The following FARSB variants were observed in gnomAD, a reference collection of about 807,000 sequenced individuals.
FARSB encodes the protein phenylalanine--tRNA ligase beta subunit.
In FARSB, 40 loss-of-function variants were observed where a neutral mutation model predicts 69.6. The ratio of observed to expected loss-of-function variants is 0.57; its 90% CI spans 0.45 to 0.75. FARSB has a LOEUF of 0.75. Ranked by LOEUF, FARSB falls within the 30% of genes least tolerant of loss-of-function variation. The probability of loss-of-function intolerance (pLI) is 0.00; values close to 1 mark genes in which losing one functional copy is unlikely to be tolerated. For missense variants in FARSB, 632 were observed against 722.9 expected (o/e 0.87, Z 1.44); for synonymous variants, 235 against 247.2 (o/e 0.95, Z 0.46).
intron 8 of FARSB, 64 bp downstream of exon 8, chr2:222,631,540 C>T (rs1574944327): frequency 1.1e-6 from 1 of 898,546 alleles, no homozygotes; most frequent in East Asian, 2.4e-5. Flanking sequence ...GCCACTTAGT[C>T]TTGGTCCGGA....
intron 16 of FARSB, among the ~76,000 whole-genome samples, chr2:222,586,352 T>A (rs1263383955): frequency 1.3e-5 from 2 of 152,116 alleles, no homozygotes; most frequent in Non-Finnish European, 2.9e-5. Context: ...CAAGAGCTCC[T>A]GAAGGAAGCA....
intron 16 of FARSB, among the ~76,000 whole-genome samples, chr2:222,579,356 T>C (rs1414204135): frequency 6.6e-6 from 1 of 152,188 alleles, no homozygotes; most frequent in Non-Finnish European, 1.5e-5. Flanking sequence ...AGACTGACAG[T>C]TCATCATCTT....
rs1689654991 is a variant in FARSB at position 222,567,608 on chromosome 2, A to G, written c.*4263T>C. 1 of 152,244 alleles carries G rather than the reference A, an allele frequency of 6.6e-6. No homozygotes were observed. The highest frequency in any genetic ancestry group is 1.5e-5 in the Non-Finnish European group (1 of 68,046). The allele number at this position is 152,244 out of a possible 1,614,324, so 9.4% of individuals were successfully genotyped here. ...GTTTAAAATGTGAGAACAGTCATTC[A>G]ACATGTTTTAAATTCAAAACACATC... On this transcript the variant is annotated 3_prime_UTR_variant, in exon 17 of 17. Coordinates refer to ENST00000281828, the MANE Select transcript of FARSB (RefSeq NM_005687.5).
chr2:222,640,797 C>T, intron 4 of FARSB, 65 bp downstream of exon 4: 3 of 784,110 alleles, frequency 3.8e-6, no homozygotes, highest in Middle Eastern at 2.3e-4. Flanking sequence ...TCTTTCCTCC[C>T]CACTTTATAC....
At chr2:222,609,910 C>T (rs530725767) in intron 15 of FARSB, among the ~76,000 whole-genome samples, 4 of 152,302 alleles carry the variant, frequency 2.6e-5, no homozygotes, top group African/African-American at 7.2e-5. Context: ...TTTTGGAAGA[C>T]ATGCTTGCCC....
At chr2:222,638,023 C>A (rs760176908) in intron 5 of FARSB, among the ~76,000 whole-genome samples, 2 of 152,058 alleles carry the variant, frequency 1.3e-5, no homozygotes, top group South Asian at 2.1e-4. Flanking sequence ...AACTGATAAA[C>A]CTCTAGCCAC....
At chr2:222,614,494 C>A (rs533878045) in intron 14 of FARSB, among the ~76,000 whole-genome samples, 1 of 152,302 alleles carries the variant, frequency 6.6e-6, no homozygotes, top group Admixed American at 6.5e-5. Flanking sequence ...GTTTTCATAT[C>A]CTGCCTCATT....
rs190332726 is a variant in FARSB at position 222,640,671 on chromosome 2, A to G, written c.339+191T>C. Among the ~76,000 whole-genome samples the G allele has an allele frequency of 1.4e-3, 220 of 152,284 alleles. 1 individual carries two copies. Among genetic ancestry groups the G allele is most frequent in the Admixed American group, 0.013 (193 of 15,296 alleles). On this transcript the variant is annotated intron_variant, in intron 4 of 16. Transcript: ENST00000281828. Reference sequence around the variant, plus strand: ...CTCAGGAGGCTGAGGTGGGAGGATCACTTGAGCCTGGGAAGCAGAGGTTGC... The same window carrying G: ...CTCAGGAGGCTGAGGTGGGAGGATCGCTTGAGCCTGGGAAGCAGAGGTTGC...
intron 5 of FARSB, among the ~76,000 whole-genome samples, chr2:222,638,050 AAAAG>A (rs1691630938): frequency 6.6e-6 from 1 of 152,224 alleles, no homozygotes; most frequent in Admixed American, 6.5e-5. Flanking sequence ...CAAAGGAAAA[AAAAG>A]AGAGAAGACA....
At position 222,634,452 on chromosome 2, in the gene FARSB, T is replaced by C. The variant is rs768508850; in HGVS notation, c.545A>G (p.Lys182Arg). Reference sequence around the variant, plus strand: ...CTTGGTCTTATTTAGAGGCTTGAATTTGATATCTGAAGGACGCTTTGCAGT... The same window carrying C: ...CTTGGTCTTATTTAGAGGCTTGAATCTGATATCTGAAGGACGCTTTGCAGT... ...TYTAKRPSDI[K>R]FKPLNKTKEY... Residue 182 changes from lysine to arginine, a missense_variant, in exon 6 of 17, where the codon AAA (lysine) becomes AGA (arginine). Physicochemically the swap from Lys to Arg is conservative, Grantham distance 26. Transcript: ENST00000281828. 7.4e-6 allele frequency: 12 copies of C among 1,612,120 alleles called. No individual in the cohort carries two copies. The highest frequency in any genetic ancestry group is 1.1e-5 in the South Asian group (1 of 90,956).
chr2:222,616,319 T>C (rs542140124), intron 14 of FARSB, among the ~76,000 whole-genome samples: 1 of 152,130 alleles, frequency 6.6e-6, no homozygotes, highest in South Asian at 2.1e-4. Context: ...GAGGCCAAGA[T>C]GGGCGGATCA....
intron 16 of FARSB, among the ~76,000 whole-genome samples, chr2:222,592,820 TGAAAATA>T (rs1233937202): frequency 6.6e-6 from 1 of 151,914 alleles, no homozygotes; most frequent in Admixed American, 6.6e-5. Flanking sequence ...AACTGAGGTC[TGAAAATA>T]TTAAGTGGGA....
chr2:222,572,808 A>G (rs1330187431), intron 16 of FARSB, among the ~76,000 whole-genome samples: 1 of 152,210 alleles, frequency 6.6e-6, no homozygotes, highest in Non-Finnish European at 1.5e-5. Flanking sequence ...GCTAAAAATG[A>G]ACATATGGGC....
intron 15 of FARSB, among the ~76,000 whole-genome samples, chr2:222,604,913 GAAGAT>G (rs1690660997): frequency 6.6e-6 from 1 of 151,954 alleles, no homozygotes; most frequent in African/African-American, 2.4e-5. Flanking sequence ...AGCCTAAAAA[GAAGAT>G]AAGCACACAC....
At chr2:222,620,911 T>G (rs1244883647) in intron 13 of FARSB, among the ~76,000 whole-genome samples, 1 of 152,220 alleles carries the variant, frequency 6.6e-6, no homozygotes, top group African/African-American at 2.4e-5. Flanking sequence ...ATTCTTGCCA[T>G]GCTTTCTTGA....
chr2:222,574,715 T>G (rs948016855), intron 16 of FARSB, among the ~76,000 whole-genome samples: 1 of 152,154 alleles, frequency 6.6e-6, no homozygotes, highest in African/African-American at 2.4e-5. Context: ...TCTGACCTTG[T>G]GAAAAATGAA....
chr2:222,625,853 T>G (rs1020941436), intron 10 of FARSB, among the ~76,000 whole-genome samples: 2 of 152,242 alleles, frequency 1.3e-5, no homozygotes, highest in Non-Finnish European at 2.9e-5. Flanking sequence ...AATAGTAAAC[T>G]GCCAAGTCCA....
chr2:222,636,114 G>A (rs1362816464), intron 5 of FARSB, among the ~76,000 whole-genome samples: 1 of 150,308 alleles, frequency 6.7e-6, no homozygotes, highest in Non-Finnish European at 1.5e-5. Flanking sequence ...AAATATAGAA[G>A]AATATGCTTA....
At chr2:222,612,603 C>T (rs1469941523) in intron 15 of FARSB, among the ~76,000 whole-genome samples, 2 of 152,248 alleles carry the variant, frequency 1.3e-5, no homozygotes, top group Non-Finnish European at 2.9e-5. Flanking sequence ...CAAAAGAACA[C>T]ACTCTGAATT....
Sources: gnomAD v4.1 joint callset for allele counts (sites outside exome capture counted in the v4.1 genomes callset) on GRCh38, gnomAD v4.1.1 for gene constraint, MANE v1.5 for transcripts, NCBI Gene and HGNC (gene_info 2026-07-23, HGNC 2026-07-21) for gene names.